The following IKZF1 variants were observed in gnomAD, a reference collection of about 807,000 sequenced individuals.
IKZF1 encodes IKAROS family zinc finger 1.
In IKZF1, 10 loss-of-function variants were observed where a neutral mutation model predicts 51.7. The observed-to-expected ratio is 0.19, with a 90% CI of 0.12 to 0.33. IKZF1 has a LOEUF of 0.33. IKZF1 is among the 10% of genes least tolerant of loss of function. The probability of loss-of-function intolerance (pLI) is 1.00; values close to 1 mark genes in which losing one functional copy is unlikely to be tolerated. For missense variants in IKZF1, 484 were observed against 707.5 expected (o/e 0.68, Z 3.58); for synonymous variants, 280 against 282.3 (o/e 0.99, Z 0.08).
intron 1 of IKZF1, among the ~76,000 whole-genome samples, chr7:50,311,620 A>G (rs577406251): frequency 1.3e-5 from 2 of 152,366 alleles, no homozygotes; most frequent in Admixed American, 1.3e-4. Flanking sequence ...ACTTATTTTA[A>G]TAGAAGTCAA....
At chr7:50,319,506 A>T (rs1210612029) in intron 2 of IKZF1, among the ~76,000 whole-genome samples, 1 of 152,200 alleles carries the variant, frequency 6.6e-6, no homozygotes, top group Non-Finnish European at 1.5e-5. Context: ...CATGGACACA[A>T]CATTGCTCCC....
chr7:50,368,569 G>A (rs1397163193), intron 3 of IKZF1: 1 of 534,360 alleles, frequency 1.9e-6, no homozygotes, highest in Admixed American at 3.5e-5. Flanking sequence ...GTGGTGCATC[G>A]CTGCTGGAGC....
In IKZF1 at chr7:50,326,504, A is replaced by G. The variant is rs1795059635; in HGVS notation, c.41-1134A>G. Among the ~76,000 whole-genome samples, 2 of 152,204 alleles carry G rather than the reference A, an allele frequency of 1.3e-5. 1 individual carries two copies. The highest frequency in any genetic ancestry group is 4.8e-5 in the African/African-American group (2 of 41,454). On this transcript the variant is annotated intron_variant, in intron 2 of 7. Coordinates refer to ENST00000331340, the MANE Select transcript of IKZF1 (RefSeq NM_006060.6). The stretch of plus-strand genomic sequence containing the variant: ...AGTTAGATTTGGAAGGGCGGAAACT[A>G]TAGGAGTTGCAGCTTCAGTGGAGAA...
At position 50,391,708 on chromosome 7, in the gene IKZF1, CCT is replaced by C. The variant is rs771199279; in HGVS notation, c.716-16_716-15del. 1.4e-4 allele frequency: 220 copies of C among 1,613,204 alleles called. 2 individuals are homozygous for C. The South Asian group carries it at 2.3e-3, about 17-fold the overall frequency. On this transcript the variant is annotated intron_variant, in intron 6 of 7. Transcript: ENST00000331340. ...TTAAACATAAGCCTTTCTAAACTGG[CCT>C]CTCTGTCTTTGACTTTAGTCATTAA...
At chr7:50,334,442 A>G (rs1362577220) in intron 3 of IKZF1, among the ~76,000 whole-genome samples, 3 of 151,694 alleles carry the variant, frequency 2.0e-5, no homozygotes, top group Non-Finnish European at 4.4e-5. Context: ...GTATCTATGT[A>G]CATGTGGTAT....
At position 50,400,155 on chromosome 7, in the gene IKZF1, A is replaced by C. The variant is rs1585037355; in HGVS notation, c.1088A>C (p.His363Pro). 6.4e-7 allele frequency: 1 copy of C among 1,562,184 alleles called. No individual in the cohort carries two copies. Among genetic ancestry groups the C allele is most frequent in the South Asian group, 1.2e-5 (1 of 85,292 alleles). ...PLAEGTPRSNHSAQDSAVENL... is the reference protein window; with the variant it reads ...PLAEGTPRSNPSAQDSAVENL... ...GCGGAGGGCACCCCGCGCTCCAACC[A>C]CTCGGCCCAGGACAGCGCCGTGGAG... Residue 363 changes from histidine to proline, a missense_variant, in exon 8 of 8, where the codon CAC becomes CCC. Physicochemically the swap from His to Pro is moderately conservative, Grantham distance 77 (BLOSUM62 -2). Around this residue, in one of 6 missense-constraint regions of IKZF1, gnomAD observed 172 missense variants for 192.7 expected, o/e 0.89. Coordinates refer to ENST00000331340, the MANE Select transcript of IKZF1 (RefSeq NM_006060.6). The surrounding 1 kb of genome is among the most constrained non-coding windows in gnomAD (Gnocchi z 5.4).
intron 7 of IKZF1, among the ~76,000 whole-genome samples, chr7:50,392,112 G>A (rs1023362550): frequency 6.6e-6 from 1 of 152,250 alleles, no homozygotes; most frequent in African/African-American, 2.4e-5. Flanking sequence ...TGATCTGCCT[G>A]TGGACATCGC....
intron 3 of IKZF1, among the ~76,000 whole-genome samples, chr7:50,375,151 G>A (rs1255178106): frequency 6.6e-6 from 1 of 152,218 alleles, no homozygotes; most frequent in South Asian, 2.1e-4. Flanking sequence ...GCTGAGCACA[G>A]TGGCTCACAA....
chr7:50,304,974 A>AT (rs1253399903), intron 1 of IKZF1, 52 bp downstream of exon 1: 2 of 151,980 alleles, frequency 1.3e-5, no homozygotes, highest in East Asian at 1.9e-4. Context: ...TAACTGGTGA[A>AT]TTTAAAAAAA....
chr7:50,349,368 T>C (rs2153428267), intron 3 of IKZF1, among the ~76,000 whole-genome samples: 1 of 152,324 alleles, frequency 6.6e-6, no homozygotes, highest in Non-Finnish European at 1.5e-5. Context: ...TGAGTCTTTA[T>C]AAAATAAGCA....
chr7:50,330,369 T>G (rs554775880), intron 3 of IKZF1, among the ~76,000 whole-genome samples: 19 of 152,094 alleles, frequency 1.2e-4, no homozygotes, highest in African/African-American at 4.3e-4. Context: ...ATTTGGGAGA[T>G]TGAATGCTCC....
chr7:50,400,498 C>T lies in IKZF1; in HGVS notation c.1431C>T (p.Tyr477=), dbSNP rs755646154. 1 of 1,614,102 alleles carries T rather than the reference C, an allele frequency of 6.2e-7. No homozygotes were observed. Among genetic ancestry groups the T allele is most frequent in the South Asian group, 1.1e-5 (1 of 91,084 alleles). The part of the protein sequence containing the change: ...CRVLFLDHVM[Y]TIHMGCHGFR... ...TGCTCTTCCTGGATCACGTCATGTACACCATCCACATGGGCTGCCACGGCT... is the reference window on the plus strand; with the variant it reads ...TGCTCTTCCTGGATCACGTCATGTATACCATCCACATGGGCTGCCACGGCT... Residue 477 remains tyrosine, a synonymous_variant, in exon 8 of 8, where the codon TAC becomes TAT. Transcript: ENST00000331340. This position sits in a 1 kb window ranked among gnomAD's most constrained non-coding sequence, Gnocchi z 5.4.
intron 3 of IKZF1, among the ~76,000 whole-genome samples, chr7:50,365,265 G>A (rs890821027): frequency 2.0e-5 from 3 of 152,318 alleles, no homozygotes; most frequent in African/African-American, 7.2e-5. Context: ...ACTGAGCCCA[G>A]AAGTTTATGT....
intron 1 of IKZF1, among the ~76,000 whole-genome samples, chr7:50,309,693 G>C (rs1348857443): frequency 6.6e-6 from 1 of 152,162 alleles, no homozygotes; most frequent in Non-Finnish European, 1.5e-5. Context: ...CTGAAGCTAG[G>C]AGTTCCACTA....
chr7:50,387,107 A>G lies in IKZF1; in HGVS notation c.590-238A>G, dbSNP rs75866857. The stretch of plus-strand genomic sequence containing the variant: ...TGAAGCAGGAGAGAATTTGGTAGTC[A>G]GTAAAGTAGACAAACTAAGACAAAA... On this transcript the variant is annotated intron_variant, in intron 5 of 7. Transcript: ENST00000331340. 0.062 allele frequency among the ~76,000 whole-genome samples: 9,411 copies of G among 152,302 alleles called. 478 individuals carry two copies. Among genetic ancestry groups the G allele is most frequent in the South Asian group, 0.093 (450 of 4,834 alleles).
intron 3 of IKZF1, among the ~76,000 whole-genome samples, chr7:50,372,023 C>G (rs1284848897): frequency 6.6e-6 from 1 of 152,198 alleles, no homozygotes; most frequent in African/African-American, 2.4e-5. Context: ...TTTCACAGGT[C>G]CTTACATTTA....
At chr7:50,325,440 G>T (rs1216591934) in intron 2 of IKZF1, among the ~76,000 whole-genome samples, 2 of 152,076 alleles carry the variant, frequency 1.3e-5, no homozygotes, top group African/African-American at 4.8e-5. Context: ...TATGAAAGAG[G>T]TGAAAACGCT....
At position 50,404,761 on chromosome 7, in the gene IKZF1, G is replaced by A. The variant is rs979107392; in HGVS notation, c.*4134G>A. 1.0e-4 allele frequency: 23 copies of A among 229,914 alleles called. 1 individual carries two copies. Among genetic ancestry groups the A allele is most frequent in the Middle Eastern group, 1.3e-3 (1 of 770 alleles). 14.2% of individuals were successfully genotyped at this position (229,914 alleles called of 1,614,324 possible). On this transcript the variant is annotated 3_prime_UTR_variant, in exon 8 of 8. Coordinates refer to ENST00000331340, the MANE Select transcript of IKZF1 (RefSeq NM_006060.6). The stretch of plus-strand genomic sequence containing the variant: ...TGCTTCAGTCATTCTGTGAGTGGCC[G>A]GGCCCAGGGCCCTCACAATTTCACT...
intron 3 of IKZF1, chr7:50,367,725 G>T: frequency 5.5e-6 from 2 of 361,854 alleles, no homozygotes; most frequent in Non-Finnish European, 5.1e-6. Context: ...GAATGTTTGG[G>T]GCTGCACCCT....
Sources: allele counts gnomAD v4.1 joint callset (sites outside exome capture counted in the v4.1 genomes callset), GRCh38; gene constraint gnomAD v4.1.1; regional missense constraint gnomAD v4.1.1; non-coding constraint Gnocchi (gnomAD v3.1); transcripts MANE v1.5; gene names NCBI Gene and HGNC (gene_info 2026-07-23, HGNC 2026-07-21).